COX7B2: variants seen among roughly 807,000 people sequenced by gnomAD.
COX7B2 encodes cytochrome c oxidase subunit 7B2.
For missense variants in COX7B2, 109 were observed against 95.9 expected, an observed-to-expected ratio of 1.14 and a Z score of -0.57; for synonymous variants, 37 against 32.1, an observed-to-expected ratio of 1.15 and a Z score of -0.51.
At chr4:46,829,824 T>C (rs1714944019) in intron 2 of COX7B2, among the ~76,000 whole-genome samples, 1 of 152,140 alleles carries the variant, frequency 6.6e-6, no homozygotes, top group Non-Finnish European at 1.5e-5. Flanking sequence ...AACAGCAAAA[T>C]TAAACTGAAG....
intron 1 of COX7B2, among the ~76,000 whole-genome samples, chr4:46,867,390 C>A (rs971932248): frequency 1.3e-5 from 2 of 152,170 alleles, no homozygotes; most frequent in Admixed American, 6.5e-5. Context: ...AAGAAACTGG[C>A]TGGAACCAGC....
chr4:46,892,932 A>G (rs1719526779), intron 1 of COX7B2, among the ~76,000 whole-genome samples: 1 of 152,152 alleles, frequency 6.6e-6, no homozygotes, highest in Non-Finnish European at 1.5e-5. Flanking sequence ...TGATGGTTTT[A>G]AAAGGGGCTT....
At chr4:46,789,632 A>G (rs1409021391) in intron 2 of COX7B2, among the ~76,000 whole-genome samples, 2 of 152,142 alleles carry the variant, frequency 1.3e-5, no homozygotes, top group East Asian at 3.8e-4. Flanking sequence ...TTCCAAGTGA[A>G]AAACAAAAAA....
chr4:46,809,675 T>C (rs566909440), intron 2 of COX7B2, among the ~76,000 whole-genome samples: 25 of 152,038 alleles, frequency 1.6e-4, no homozygotes, highest in African/African-American at 3.8e-4. Flanking sequence ...AGAAATGTTT[T>C]ATCACCTAAC....
At chr4:46,753,105 G>T (rs1168364199) in intron 2 of COX7B2, among the ~76,000 whole-genome samples, 2 of 152,034 alleles carry the variant, frequency 1.3e-5, no homozygotes, top group African/African-American at 4.8e-5. Flanking sequence ...GCCTGTTATC[G>T]GTCTATTCAG....
At chr4:46,834,150 G>C (rs1715352642) in intron 2 of COX7B2, among the ~76,000 whole-genome samples, 3 of 152,094 alleles carry the variant, frequency 2.0e-5, no homozygotes. Context: ...TTCTTGGATA[G>C]AAACACTAAG....
chr4:46,857,304 G>A (rs1158259321), intron 1 of COX7B2, among the ~76,000 whole-genome samples: 1 of 152,168 alleles, frequency 6.6e-6, no homozygotes, highest in African/African-American at 2.4e-5. Context: ...TAGTTAACAA[G>A]TACTAGTTGA....
At chr4:46,840,252 T>C (rs1249659144) in intron 2 of COX7B2, among the ~76,000 whole-genome samples, 1 of 151,994 alleles carries the variant, frequency 6.6e-6, no homozygotes, top group Non-Finnish European at 1.5e-5. Context: ...AGGCAGGACT[T>C]TCCCAGAAAT....
At chr4:46,842,697 C>T (rs937818495) in intron 2 of COX7B2, among the ~76,000 whole-genome samples, 2 of 151,976 alleles carry the variant, frequency 1.3e-5, no homozygotes, top group African/African-American at 4.8e-5. Flanking sequence ...TGATGGTTTC[C>T]AGTTTCATCC....
chr4:46,827,458 T>C (rs979418720), intron 2 of COX7B2, among the ~76,000 whole-genome samples: 4 of 152,138 alleles, frequency 2.6e-5, no homozygotes, highest in African/African-American at 9.7e-5. Context: ...CAGAATGGCA[T>C]GTCCAAAGTA....
At chr4:46,753,854 A>T (rs1290407578) in intron 2 of COX7B2, among the ~76,000 whole-genome samples, 1 of 152,220 alleles carries the variant, frequency 6.6e-6, no homozygotes, top group African/African-American at 2.4e-5. Context: ...AATGAACTCA[A>T]CAAATTTACA....
chr4:46,902,824 C>A (rs955132267), intron 1 of COX7B2, among the ~76,000 whole-genome samples: 10 of 152,034 alleles, frequency 6.6e-5, no homozygotes, highest in African/African-American at 2.2e-4. Flanking sequence ...TTGCAGTGAG[C>A]CCAGATCAAA....
intron 2 of COX7B2, among the ~76,000 whole-genome samples, chr4:46,736,347 G>A (rs1003302540): frequency 2.9e-4 from 44 of 152,076 alleles, no homozygotes; most frequent in Admixed American, 2.6e-4. Context: ...GCTTTATATA[G>A]CAGGCAAGAA....
At chr4:46,800,654 G>T (rs1718609747) in intron 2 of COX7B2, among the ~76,000 whole-genome samples, 1 of 152,046 alleles carries the variant, frequency 6.6e-6, no homozygotes, top group African/African-American at 2.4e-5. Flanking sequence ...AAAATCCCTT[G>T]AAGAAAACCT....
At chr4:46,851,768 G>C (rs559492504) in intron 1 of COX7B2, among the ~76,000 whole-genome samples, 7 of 152,124 alleles carry the variant, frequency 4.6e-5, no homozygotes, top group African/African-American at 1.7e-4. Flanking sequence ...TTTGTCTAAT[G>C]ATCTATCAAA....
At chr4:46,759,983 C>A (rs1716051147) in intron 2 of COX7B2, among the ~76,000 whole-genome samples, 1 of 151,532 alleles carries the variant, frequency 6.6e-6, no homozygotes, top group Non-Finnish European at 1.5e-5. Flanking sequence ...TCTTACACTT[C>A]CTCAGAAAGA....
At chr4:46,824,634 T>C (rs574589257) in intron 2 of COX7B2, among the ~76,000 whole-genome samples, 5 of 149,620 alleles carry the variant, frequency 3.3e-5, no homozygotes, top group African/African-American at 1.2e-4. Context: ...CTGCTTATTA[T>C]GTGAGTATTA....
chr4:46,809,491 G>A (rs1445400957), intron 2 of COX7B2, among the ~76,000 whole-genome samples: 3 of 151,662 alleles, frequency 2.0e-5, no homozygotes, highest in Non-Finnish European at 4.4e-5. Flanking sequence ...TTTGTCTCAA[G>A]ATATTTTTTT....
chr4:46,821,214 A>T (rs1398281171), intron 2 of COX7B2, among the ~76,000 whole-genome samples: 1 of 152,234 alleles, frequency 6.6e-6, no homozygotes, highest in Non-Finnish European at 1.5e-5. Context: ...AAAAGCCATG[A>T]GAGACACTTG....
Sources: gnomAD v4.1 joint callset for allele counts (sites outside exome capture counted in the v4.1 genomes callset) on GRCh38, gnomAD v4.1.1 for gene constraint, MANE v1.5 for transcripts, NCBI Gene and HGNC (gene_info 2026-07-23, HGNC 2026-07-21) for gene names.